The following HCRTR1 variants were observed in gnomAD, a reference collection of about 807,000 sequenced individuals.
HCRTR1 encodes the protein orexin/Hypocretin receptor type 1.
In HCRTR1, 28 loss-of-function variants were observed where a neutral mutation model predicts 40.6. The observed-to-expected ratio is 0.69, with a 90% CI of 0.51 to 0.95. The LOEUF is 0.95. HCRTR1 is among the 40% of genes least tolerant of loss of function. The pLI is 0.00. For missense variants in HCRTR1, 482 were observed against 564.7 expected, an observed-to-expected ratio of 0.85 and a Z score of 1.48; for synonymous variants, 209 against 230.0, an observed-to-expected ratio of 0.91 and a Z score of 0.83.
At chr1:31,633,544 C>T (rs748637436), downstream of HCRTR1, among the ~76,000 whole-genome samples, 12 of 152,132 alleles carry the variant, frequency 7.9e-5, no homozygotes, top group Non-Finnish European at 1.3e-4. Flanking sequence ...TATAGTGTTC[C>T]AGACACTACT....
Position 31,627,602 on chromosome 1 carries a change from C to T in HCRTR1, c.*622C>T, listed in dbSNP as rs907959532. 27 of 339,494 alleles carry T rather than the reference C, an allele frequency of 8.0e-5. No homozygotes were observed. Among genetic ancestry groups the T allele is most frequent in the Admixed American group, 7.9e-4 (20 of 25,232 alleles). The allele number at this position is 339,494 out of a possible 1,614,324, so 21.0% of individuals were successfully genotyped here. A position where few individuals can be genotyped will look rare whatever the true frequency, so the allele number is the denominator to read the frequency against. Reference sequence around the variant, plus strand: ...AGCCCGAAGCAACTGTAATTAAAAGCCTGGCACTGAATGTTCCCTTTCCTT... The same window carrying T: ...AGCCCGAAGCAACTGTAATTAAAAGTCTGGCACTGAATGTTCCCTTTCCTT... On this transcript the variant is annotated 3_prime_UTR_variant, in exon 9 of 9. Coordinates refer to ENST00000403528, the MANE Select transcript of HCRTR1 (RefSeq NM_001525.3).
intron 4 of HCRTR1, among the ~76,000 whole-genome samples, chr1:31,620,487 C>T (rs113099783): frequency 0.011 from 1,607 of 152,274 alleles, 26 homozygotes; most frequent in African/African-American, 0.037. Flanking sequence ...GGGGCAAGAG[C>T]GCTTTGTGGG....
downstream of HCRTR1, chr1:31,633,173 C>T: frequency 6.2e-7 from 1 of 1,613,592 alleles, no homozygotes; most frequent in South Asian, 1.1e-5. Context: ...CATCATGAGG[C>T]AGGTCTCATC....
chr1:31,629,510 T>C (rs746632541), downstream of HCRTR1, among the ~76,000 whole-genome samples: 1 of 152,174 alleles, frequency 6.6e-6, no homozygotes, highest in Non-Finnish European at 1.5e-5. Flanking sequence ...GAGAACGTTA[T>C]GACTTAATAA....
At chr1:31,632,638 T>C, downstream of HCRTR1, 1 of 1,613,212 alleles carries the variant, frequency 6.2e-7, no homozygotes, top group Non-Finnish European at 8.5e-7. Context: ...GTCAAACATG[T>C]CTGAAGGTGA....
rs1233604992 is a variant in HCRTR1 at position 31,620,914 on chromosome 1, C to A, written c.450C>A (p.His150Gln). 2 of 1,614,058 alleles carry A rather than the reference C, an allele frequency of 1.2e-6. No individual in the cohort carries two copies. The highest frequency in any genetic ancestry group is 2.7e-5 in the African/African-American group (2 of 74,940). The change falls in exon 5 of 9, where the codon CAC (histidine) becomes CAA (glutamine). Residue 150 changes from histidine to glutamine, a missense_variant. Physicochemically the swap from His to Gln is conservative, Grantham distance 24. Transcript: ENST00000403528. Reference protein sequence around the residue: ...IALDRWYAICHPLLFKSTARR... With the variant: ...IALDRWYAICQPLLFKSTARR... ...TGGACCGCTGGTATGCCATCTGCCACCCACTATTGTTCAAGAGCACAGCCC... is the reference window on the plus strand; with the variant it reads ...TGGACCGCTGGTATGCCATCTGCCAACCACTATTGTTCAAGAGCACAGCCC...
chr1:31,630,496 A>G, downstream of HCRTR1: 1 of 1,066,574 alleles, frequency 9.4e-7, no homozygotes, highest in East Asian at 2.6e-5. Context: ...TGTTGCATCA[A>G]GCAAGGGAGA....
At chr1:31,630,696 G>T, downstream of HCRTR1, 1 of 1,614,042 alleles carries the variant, frequency 6.2e-7, no homozygotes, top group Non-Finnish European at 8.5e-7. Context: ...TCCTTCTCCC[G>T]GAAGGCCTCT....
intron 4 of HCRTR1, among the ~76,000 whole-genome samples, chr1:31,620,384 G>A (rs1028327680): frequency 1.3e-5 from 2 of 152,172 alleles, no homozygotes; most frequent in African/African-American, 4.8e-5. Context: ...CTATTTTGAG[G>A]CTCCCCACTC....
Position 31,627,035 on chromosome 1 carries a change from A to G in HCRTR1, c.*55A>G. On this transcript the variant is annotated 3_prime_UTR_variant, in exon 9 of 9. Transcript: ENST00000403528. ...GGGGATCTGCCCCTACCCCTCATGGAAAGACAGCTGGATGTGGTGAAAGGC... is the reference window on the plus strand; with the variant it reads ...GGGGATCTGCCCCTACCCCTCATGGGAAGACAGCTGGATGTGGTGAAAGGC... 29 of 1,560,618 alleles carry G rather than the reference A, an allele frequency of 1.9e-5. No homozygotes were observed. Among genetic ancestry groups the G allele is most frequent in the Non-Finnish European group, 2.5e-5 (29 of 1,157,790 alleles).
chr1:31,623,632 T>C lies in HCRTR1; in HGVS notation c.848T>C (p.Phe283Ser). ...GAGCCCCAGCCCCGGGCCCGCGCCT[T>C]CCTGGCTGAAGTGAAGCAGATGCGT... ...SGEPQPRARAFLAEVKQMRAR... is the reference protein window; with the variant it reads ...SGEPQPRARASLAEVKQMRAR... The change falls in exon 7 of 9, where the codon TTC becomes TCC. Residue 283 changes from phenylalanine to serine, a missense_variant. Coordinates refer to ENST00000403528, the MANE Select transcript of HCRTR1 (RefSeq NM_001525.3). 1 of 1,613,988 alleles carries C rather than the reference T, an allele frequency of 6.2e-7. No homozygotes were observed. Among genetic ancestry groups the C allele is most frequent in the Middle Eastern group, 1.6e-4 (1 of 6,062 alleles).
rs1420645686 is a variant in HCRTR1, at chr1:31,625,916, C to A, written c.1087+798C>A. ...AGGATCAGGAGTCAATAGTATAACCCTCATTGAGACTCAAGAATTACTCAA... is the reference window on the plus strand; with the variant it reads ...AGGATCAGGAGTCAATAGTATAACCATCATTGAGACTCAAGAATTACTCAA... On this transcript the variant is annotated intron_variant, in intron 8 of 8. Coordinates refer to ENST00000403528, the MANE Select transcript of HCRTR1 (RefSeq NM_001525.3). The surrounding 1 kb of genome is among the most constrained non-coding windows in gnomAD (Gnocchi z 4.2). Among the ~76,000 whole-genome samples, 1 of 152,226 alleles carries A rather than the reference C, an allele frequency of 6.6e-6. No homozygotes were observed. The highest frequency in any genetic ancestry group is 6.5e-5 in the Admixed American group (1 of 15,276).
intron 4 of HCRTR1, among the ~76,000 whole-genome samples, chr1:31,620,055 C>T (rs974088682): frequency 1.3e-5 from 2 of 152,234 alleles, no homozygotes; most frequent in African/African-American, 4.8e-5. Flanking sequence ...TAGGCCTGCT[C>T]CCCAATCCCA....
chr1:31,628,225 G>C (rs1399894938), downstream of HCRTR1, among the ~76,000 whole-genome samples: 3 of 152,240 alleles, frequency 2.0e-5, no homozygotes, highest in Admixed American at 6.5e-5. Flanking sequence ...TCAAGAACGT[G>C]GGCAGAGCCC....
At chr1:31,630,914 G>T, downstream of HCRTR1, 1 of 1,262,428 alleles carries the variant, frequency 7.9e-7, no homozygotes, top group East Asian at 2.5e-5. Context: ...CAGGAATACT[G>T]GATCACAACA....
At chr1:31,620,736 A>G in intron 4 of HCRTR1, 107 bp from the exon 5 acceptor site, 1 of 1,392,548 alleles carries the variant, frequency 7.2e-7, no homozygotes, top group Non-Finnish European at 9.9e-7. Flanking sequence ...TAAGTGGTGG[A>G]GTCAGGATTT....
At chr1:31,627,961 G>A (rs1299005369), downstream of HCRTR1, among the ~76,000 whole-genome samples, 1 of 152,334 alleles carries the variant, frequency 6.6e-6, no homozygotes. Context: ...CAAGGCTTGC[G>A]CCTATTTTCT....
At chr1:31,621,124 G>A in intron 5 of HCRTR1, 38 bp downstream of exon 5, 1 of 1,580,388 alleles carries the variant, frequency 6.3e-7, no homozygotes, top group Non-Finnish European at 8.6e-7. Context: ...CCCCTCAGGT[G>A]GGCACTTTGG....
At chr1:31,620,744 T>C in intron 4 of HCRTR1, 99 bp from the exon 5 acceptor site, 1 of 1,479,700 alleles carries the variant, frequency 6.8e-7, no homozygotes, top group Middle Eastern at 1.9e-4. Flanking sequence ...GGAGTCAGGA[T>C]TTGCACTGCC....
Sources: gnomAD v4.1 joint callset for allele counts (sites outside exome capture counted in the v4.1 genomes callset) on GRCh38, gnomAD v4.1.1 for gene constraint, Gnocchi (gnomAD v3.1) non-coding constraint, MANE v1.5 for transcripts, NCBI Gene and HGNC (gene_info 2026-07-23, HGNC 2026-07-21) for gene names.